DAB1: variants seen among roughly 807,000 people sequenced by gnomAD.
DAB1 encodes disabled homolog 1.
DAB1 carries 15 observed loss-of-function variants against 64.6 expected under a neutral mutation model. The observed-to-expected ratio is 0.23, with a 90% CI of 0.16 to 0.36. The LOEUF is 0.36. DAB1 is among the 10% of genes least tolerant of loss of function. The pLI is 1.00. For missense variants in DAB1, 596 were observed against 706.7 expected (o/e 0.84, Z 1.78); for synonymous variants, 235 against 251.9 (o/e 0.93, Z 0.64).
chr1:57,155,229 C>T (rs1660095810), intron 2 of DAB1, among the ~76,000 whole-genome samples: 1 of 152,180 alleles, frequency 6.6e-6, no homozygotes, highest in African/African-American at 2.4e-5. Context: ...GGTCTACTTT[C>T]ATTCTTCTGC....
rs1178881200 is a variant in DAB1 at position 57,877,609 on chromosome 1, G to A, written n.87+6390C>T. On this transcript the variant is annotated intron_variant and non_coding_transcript_variant, in intron 1 of 1. Transcript: ENST00000477280. ...CGCTCTGTCGCCCAGGCCGGACTGC[G>A]GACTGCAGTGGCGCAATCTCGGCTC... 2.8e-4 allele frequency among the ~76,000 whole-genome samples: 6 copies of A among 21,124 alleles called. 2 individuals are homozygous for A. The highest frequency in any genetic ancestry group is 5.2e-4 in the Non-Finnish European group (6 of 11,478). 13.9% of individuals were successfully genotyped at this position (21,124 alleles called of 152,430 possible).
intron 3 of DAB1, among the ~76,000 whole-genome samples, chr1:58,440,628 G>A (rs541141233): frequency 2.0e-5 from 3 of 152,316 alleles, no homozygotes; most frequent in African/African-American, 7.2e-5. Context: ...TGGACTTAAT[G>A]AGATAATGAA....
At chr1:57,875,627 C>A (rs1644032327) in intron 1 of DAB1, among the ~76,000 whole-genome samples, 1 of 152,152 alleles carries the variant, frequency 6.6e-6, no homozygotes, top group South Asian at 2.1e-4. Context: ...GTCTTGCTGA[C>A]AGACTAGCAT....
chr1:57,516,218 G>A (rs1644461972), intron 7 of DAB1, among the ~76,000 whole-genome samples: 1 of 152,182 alleles, frequency 6.6e-6, no homozygotes, highest in African/African-American at 2.4e-5. Context: ...GACCAATGAG[G>A]AAGATTTTTC....
Position 58,382,308 on chromosome 1 carries a change from C to T in DAB1, n.258-38905G>A, listed in dbSNP as rs558237114. Among the ~76,000 whole-genome samples the T allele has an allele frequency of 1.1e-4, 16 of 152,262 alleles. No individual in the cohort carries two copies. The East Asian group carries it at 2.7e-3, about 26-fold the overall frequency. On this transcript the variant is annotated intron_variant and non_coding_transcript_variant, in intron 3 of 20. Transcript: ENST00000485760. ...AGCCAAGGCGGGGATTCTGCCCATT[C>T]CTGAGTATACCTATTCAATTATACA... is the stretch of plus-strand genomic sequence containing the variant.
intron 2 of DAB1, among the ~76,000 whole-genome samples, chr1:57,236,792 T>C (rs1318342235): frequency 6.6e-6 from 1 of 152,114 alleles, no homozygotes; most frequent in Admixed American, 6.5e-5. Context: ...AGAGAGCTGG[T>C]GGGAGACTGA....
chr1:58,361,048 T>C (rs1644159293), intron 3 of DAB1, among the ~76,000 whole-genome samples: 1 of 152,196 alleles, frequency 6.6e-6, no homozygotes, highest in Non-Finnish European at 1.5e-5. Flanking sequence ...ATTTAGAAAG[T>C]AACATAATGA....
chr1:57,522,720 A>G (rs529170885), intron 7 of DAB1, among the ~76,000 whole-genome samples: 64 of 152,258 alleles, frequency 4.2e-4, no homozygotes, highest in African/African-American at 1.5e-3. Context: ...GCCAAAGGAG[A>G]TTAACATTTG....
intron 2 of DAB1, among the ~76,000 whole-genome samples, chr1:57,255,057 T>C (rs1044196716): frequency 6.6e-6 from 1 of 152,148 alleles, no homozygotes; most frequent in Non-Finnish European, 1.5e-5. Flanking sequence ...GCCTGACAAA[T>C]AGTAGGTGCT....
chr1:58,386,294 T>C (rs1644431354), intron 3 of DAB1, among the ~76,000 whole-genome samples: 1 of 152,122 alleles, frequency 6.6e-6, no homozygotes, highest in Admixed American at 6.5e-5. Context: ...ATAGGGAAAA[T>C]GTATGAATAG....
chr1:57,649,377 T>C (rs1410279321), intron 7 of DAB1, among the ~76,000 whole-genome samples: 1 of 152,078 alleles, frequency 6.6e-6, no homozygotes, highest in Non-Finnish European at 1.5e-5. Flanking sequence ...GAACCAATAT[T>C]CTCTTCCTCT....
chr1:58,236,381 G>T (rs1040522070), intron 4 of DAB1, among the ~76,000 whole-genome samples: 1 of 152,038 alleles, frequency 6.6e-6, no homozygotes, highest in African/African-American at 2.4e-5. Flanking sequence ...CACTCAGTCA[G>T]GCTCTGGGAC....
chr1:57,173,806 A>G (rs1662024358), intron 2 of DAB1, among the ~76,000 whole-genome samples: 1 of 151,930 alleles, frequency 6.6e-6, no homozygotes. Flanking sequence ...ATTAGAGAGT[A>G]CATTTTTTTT....
At chr1:58,499,477 T>TAGATAGATAGATAG (rs1553122687) in intron 3 of DAB1, among the ~76,000 whole-genome samples, 6 of 143,662 alleles carry the variant, frequency 4.2e-5, no homozygotes, top group East Asian at 4.0e-4. Flanking sequence ...AAAGCCAGAC[T>TAGATAGATAGATAG]ATAGATAGAT....
intron 6 of DAB1, among the ~76,000 whole-genome samples, chr1:57,816,735 T>A (rs1651870946): frequency 6.6e-6 from 1 of 152,192 alleles, no homozygotes; most frequent in African/African-American, 2.4e-5. Flanking sequence ...CCACTTCTTC[T>A]GAAAATGATC....
At chr1:58,520,394 T>G (rs1011408675) in intron 2 of DAB1, among the ~76,000 whole-genome samples, 1 of 152,070 alleles carries the variant, frequency 6.6e-6, no homozygotes, top group Non-Finnish European at 1.5e-5. Context: ...CTTGCCCAAT[T>G]TGAAAATGGG....
chr1:57,461,976 A>G (rs965614893), intron 7 of DAB1, among the ~76,000 whole-genome samples: 2 of 137,042 alleles, frequency 1.5e-5, no homozygotes, highest in African/African-American at 5.5e-5. Flanking sequence ...TTTTTTACAC[A>G]AAGTCTTGTC....
At chr1:58,126,553 C>G (rs1448175144) in intron 5 of DAB1, among the ~76,000 whole-genome samples, 1 of 151,594 alleles carries the variant, frequency 6.6e-6, no homozygotes, top group Non-Finnish European at 1.5e-5. Context: ...TGCGCTGCAC[C>G]CACTAACTCG....
At chr1:58,110,170 CT>C (rs1342951517) in intron 5 of DAB1, among the ~76,000 whole-genome samples, 1 of 152,226 alleles carries the variant, frequency 6.6e-6, no homozygotes, top group East Asian at 1.9e-4. Flanking sequence ...TATTTGAGCC[CT>C]TAATTCTAAT....
Sources: gnomAD v4.1 joint callset for allele counts (sites outside exome capture counted in the v4.1 genomes callset) on GRCh38, gnomAD v4.1.1 for gene constraint, MANE v1.5 for transcripts, NCBI Gene and HGNC (gene_info 2026-07-23, HGNC 2026-07-21) for gene names.